Variants in PRKN observed in about 807,000 individuals in gnomAD.
PRKN encodes parkin RBR E3 ubiquitin protein ligase.
A neutral mutation model predicts 59.5 loss-of-function variants in PRKN; 56 were observed. The ratio of observed to expected loss-of-function variants is 0.94; its 90% CI spans 0.76 to 1.18. PRKN has a LOEUF of 1.18. Among genes scored for constraint, PRKN ranks in the 50% most tolerant of loss-of-function variants. The pLI is 0.00. For synonymous variants in PRKN, 250 were observed against 222.1 expected (o/e 1.13, Z -1.12); for missense variants, 657 against 596.4 (o/e 1.10, Z -1.06).
At chr6:162,168,633 G>A (rs9365378) in intron 4 of PRKN, among the ~76,000 whole-genome samples, 133,446 of 149,452 alleles carry the variant, frequency 0.89, 60,214 homozygotes, top group Non-Finnish European at 0.97. Flanking sequence ...TGGCAAAAAT[G>A]TGTCAACAAT....
intron 5 of PRKN, among the ~76,000 whole-genome samples, chr6:162,040,224 C>G (rs1283092878): frequency 1.3e-5 from 2 of 152,096 alleles, no homozygotes; most frequent in Non-Finnish European, 2.9e-5. Flanking sequence ...GGTAGGAAAC[C>G]TGGGCATTTA....
rs1788669690 is a variant in PRKN, at chr6:161,751,024, C to T, written c.871+34748G>A. ...GGTTGAACATTAACTGTGGTTCTCC[C>T]TAAATATCATATACATTTTCTTTCA... On this transcript the variant is annotated intron_variant, in intron 7 of 11. Transcript: ENST00000366898. 3.3e-5 allele frequency among the ~76,000 whole-genome samples: 5 copies of T among 152,018 alleles called. No homozygotes were observed. The South Asian group carries it at 1.0e-3, about 31-fold the overall frequency.
intron 6 of PRKN, among the ~76,000 whole-genome samples, chr6:161,793,698 G>A (rs1790726764): frequency 6.6e-6 from 1 of 152,102 alleles, no homozygotes; most frequent in African/African-American, 2.4e-5. Context: ...TCTGGGGTTG[G>A]AGGAAGGGCT....
chr6:161,464,632 G>C (rs1790367322), intron 9 of PRKN, among the ~76,000 whole-genome samples: 1 of 152,152 alleles, frequency 6.6e-6, no homozygotes, highest in Admixed American at 6.5e-5. Flanking sequence ...ACTTCTTTGT[G>C]TAACTACAGT....
chr6:162,572,352 T>A (rs967430730), intron 1 of PRKN, among the ~76,000 whole-genome samples: 4 of 152,334 alleles, frequency 2.6e-5, no homozygotes, highest in Middle Eastern at 3.4e-3. Context: ...AATTTATGGC[T>A]ACAGAAAACA....
rs1002130441 is a variant in PRKN, at chr6:161,941,272, T to C, written c.734+32030A>G. On this transcript the variant is annotated intron_variant, in intron 6 of 11. Transcript: ENST00000366898. ...CAGGCAGACACAGGCGGCTGGACGT[T>C]GAGAGGAGCACATCAGCAGAGGAAC... Among the ~76,000 whole-genome samples the C allele has an allele frequency of 7.2e-5, 11 of 152,200 alleles. No homozygotes were observed. In the South Asian group the frequency reaches 2.1e-3, roughly 29 times the overall value.
intron 2 of PRKN, among the ~76,000 whole-genome samples, chr6:162,413,136 A>T (rs908805719): frequency 6.6e-5 from 10 of 152,200 alleles, no homozygotes; most frequent in African/African-American, 2.4e-4. Context: ...TCTGGTCTGA[A>T]GCCCATATCA....
intron 6 of PRKN, among the ~76,000 whole-genome samples, chr6:161,959,264 T>G (rs1201377009): frequency 2.0e-5 from 3 of 152,146 alleles, no homozygotes; most frequent in Admixed American, 6.5e-5. Context: ...GCCTCTGCTG[T>G]CAGCATCGGC....
At chr6:162,463,105 C>A (rs532051926) in intron 1 of PRKN, among the ~76,000 whole-genome samples, 67 of 148,134 alleles carry the variant, frequency 4.5e-4, no homozygotes, top group African/African-American at 1.6e-3. Context: ...GAAAAAAAAA[C>A]CACGTCATCT....
At chr6:161,366,134 G>C (rs1582976033) in intron 10 of PRKN, among the ~76,000 whole-genome samples, 2 of 152,150 alleles carry the variant, frequency 1.3e-5, no homozygotes, top group Admixed American at 6.5e-5. Context: ...GAAGGGATTC[G>C]TGCCCTTATT....
chr6:162,368,434 A>C (rs999372069), intron 2 of PRKN, among the ~76,000 whole-genome samples: 1 of 152,188 alleles, frequency 6.6e-6, no homozygotes, highest in African/African-American at 2.4e-5. Flanking sequence ...CCATCAGGAC[A>C]TGGAAGTCTC....
intron 7 of PRKN, among the ~76,000 whole-genome samples, chr6:161,672,524 C>A (rs1784945635): frequency 6.6e-6 from 1 of 152,030 alleles, no homozygotes; most frequent in Non-Finnish European, 1.5e-5. Flanking sequence ...GTCTGTAATC[C>A]CAACACTTTG....
intron 6 of PRKN, among the ~76,000 whole-genome samples, chr6:161,796,327 T>C (rs889472567): frequency 5.3e-5 from 8 of 152,122 alleles, no homozygotes; most frequent in Non-Finnish European, 5.9e-5. Context: ...ACAAGAGATA[T>C]TAGAAATAAA....
chr6:162,273,587 A>G (rs1459567080), intron 2 of PRKN, among the ~76,000 whole-genome samples: 2 of 152,214 alleles, frequency 1.3e-5, no homozygotes, highest in African/African-American at 4.8e-5. Flanking sequence ...GTTAAGATGA[A>G]AAATTACTAA....
At chr6:162,057,885 G>GC (rs1360026454) in intron 4 of PRKN, among the ~76,000 whole-genome samples, 2 of 152,136 alleles carry the variant, frequency 1.3e-5, no homozygotes. Flanking sequence ...GGATAAATTA[G>GC]CATGTCTATT....
intron 2 of PRKN, among the ~76,000 whole-genome samples, chr6:162,322,662 A>T (rs1181540672): frequency 2.6e-5 from 4 of 152,160 alleles, no homozygotes; most frequent in African/African-American, 9.6e-5. Context: ...ACCAAGTATC[A>T]AAGGCAATTT....
intron 2 of PRKN, among the ~76,000 whole-genome samples, chr6:162,395,573 T>TA (rs1382766110): frequency 2.0e-5 from 3 of 152,136 alleles, no homozygotes; most frequent in African/African-American, 7.2e-5. Flanking sequence ...ATTCCAGACC[T>TA]ACGCAAACCA....
intron 2 of PRKN, among the ~76,000 whole-genome samples, chr6:162,440,238 G>A (rs756940522): frequency 6.6e-6 from 1 of 152,144 alleles, no homozygotes; most frequent in Non-Finnish European, 1.5e-5. Flanking sequence ...GTGGCCTGTG[G>A]ATATGCTCTC....
At chr6:162,668,736 C>T (rs953599439) in intron 1 of PRKN, among the ~76,000 whole-genome samples, 13 of 152,100 alleles carry the variant, frequency 8.5e-5, no homozygotes, top group African/African-American at 2.4e-4. Flanking sequence ...CCTGTGGCCT[C>T]GATGAGTGGG....
Sources: gnomAD v4.1 joint callset for allele counts (sites outside exome capture counted in the v4.1 genomes callset) on GRCh38, gnomAD v4.1.1 for gene constraint, MANE v1.5 for transcripts, NCBI Gene and HGNC (gene_info 2026-07-23, HGNC 2026-07-21) for gene names.